Variants in FAM114A1 observed in about 807,000 individuals in gnomAD.
FAM114A1 encodes family with sequence similarity 114 member A1, also known as protein NOXP20.
A neutral mutation model predicts 64.3 loss-of-function variants in FAM114A1; 62 were observed. That is an observed-to-expected ratio of 0.96 (90% CI 0.79 to 1.19). The LOEUF (loss-of-function observed/expected upper bound fraction) is 1.19. Among genes scored for constraint, FAM114A1 ranks in the 50% most tolerant of loss-of-function variants. FAM114A1 has a pLI of 0.00. For missense variants in FAM114A1, 645 were observed against 676.3 expected (o/e 0.95, Z 0.51); for synonymous variants, 254 against 251.1 (o/e 1.01, Z -0.11).
At chr4:38,917,189 A>T (rs573098873) in intron 8 of FAM114A1, among the ~76,000 whole-genome samples, 2 of 111,582 alleles carry the variant, frequency 1.8e-5, no homozygotes, top group African/African-American at 4.3e-5. Context: ...AATAAATAAA[A>T]AAGCTGGGCA....
At chr4:38,898,512 A>C (rs7665932) in intron 4 of FAM114A1, among the ~76,000 whole-genome samples, 62,199 of 152,032 alleles carry the variant, frequency 0.41, 13,179 homozygotes, top group Middle Eastern at 0.5. Context: ...TGCTGATGAT[A>C]TGAAATTTCT....
intron 4 of FAM114A1, among the ~76,000 whole-genome samples, chr4:38,905,250 T>G (rs527516270): frequency 1.3e-5 from 2 of 152,108 alleles, no homozygotes; most frequent in South Asian, 4.1e-4. Flanking sequence ...GGCACAAAAA[T>G]TAGCCGGGCG....
intron 3 of FAM114A1, among the ~76,000 whole-genome samples, chr4:38,882,643 T>A (rs964647979): frequency 1.3e-5 from 2 of 152,102 alleles, no homozygotes; most frequent in Non-Finnish European, 2.9e-5. Context: ...AAAAAAAGTT[T>A]CTGTGAGGAA....
At chr4:38,914,245 T>C (rs1295238483) in intron 7 of FAM114A1, among the ~76,000 whole-genome samples, 1 of 151,528 alleles carries the variant, frequency 6.6e-6, no homozygotes, top group Non-Finnish European at 1.5e-5. Flanking sequence ...AACTCGCTCA[T>C]TATAGAAAAT....
intron 4 of FAM114A1, 27 bp from the exon 5 acceptor site, chr4:38,905,495 C>CA: frequency 6.5e-7 from 1 of 1,540,164 alleles, no homozygotes; most frequent in South Asian, 1.1e-5. Context: ...CTAATGTATC[C>CA]ATGAACCATA....
intron 4 of FAM114A1, among the ~76,000 whole-genome samples, chr4:38,895,787 T>C (rs1716874848): frequency 1.3e-5 from 2 of 152,224 alleles, no homozygotes; most frequent in African/African-American, 2.4e-5. Context: ...GCTGCAAACA[T>C]AGGACAGCTT....
chr4:38,872,728 C>T (rs996815166), intron 2 of FAM114A1, among the ~76,000 whole-genome samples: 4 of 152,196 alleles, frequency 2.6e-5, no homozygotes, highest in East Asian at 1.9e-4. Context: ...CAGACATTTT[C>T]GGAAACCGGC....
At chr4:38,931,309 GA>G in intron 10 of FAM114A1, 141 bp from the exon 11 acceptor site, 1 of 944,640 alleles carries the variant, frequency 1.1e-6, no homozygotes, top group Non-Finnish European at 1.5e-6. Flanking sequence ...TTCGGGGGTT[GA>G]AAAATTGCCC....
chr4:38,919,397 A>G (rs964129651), intron 8 of FAM114A1, among the ~76,000 whole-genome samples: 2 of 152,104 alleles, frequency 1.3e-5, no homozygotes, highest in South Asian at 2.1e-4. Flanking sequence ...CCCTAGTTCA[A>G]GCTCCAGCCA....
chr4:38,890,232 G>A (rs957329573), intron 3 of FAM114A1, among the ~76,000 whole-genome samples: 12 of 152,034 alleles, frequency 7.9e-5, no homozygotes, highest in African/African-American at 1.7e-4. Flanking sequence ...GTGAAACCTC[G>A]TCTCTACTAA....
intron 13 of FAM114A1, among the ~76,000 whole-genome samples, chr4:38,939,600 C>T (rs1227493345): frequency 6.6e-6 from 1 of 152,200 alleles, no homozygotes; most frequent in Admixed American, 6.5e-5. Context: ...AAGGCTCCAT[C>T]ATGATTTCCC....
Position 38,905,505 on chromosome 4 carries a change from A to G in FAM114A1, c.437-17A>G, listed in dbSNP as rs936815275. ...GATTTCTAATGTATCCATGAACCAT[A>G]TTTTTATTTCCAACAGGTCATGGAT... On this transcript the variant is annotated splice_polypyrimidine_tract_variant and intron_variant, in intron 4 of 14. Coordinates refer to ENST00000358869, the MANE Select transcript of FAM114A1 (RefSeq NM_138389.4). 6.3e-7 allele frequency: 1 copy of G among 1,585,834 alleles called. No homozygotes were observed. Among genetic ancestry groups the G allele is most frequent in the Non-Finnish European group, 8.7e-7 (1 of 1,155,538 alleles).
intron 10 of FAM114A1, among the ~76,000 whole-genome samples, 161 bp from the exon 11 acceptor site, chr4:38,931,290 G>T (rs546798250): frequency 4.6e-5 from 7 of 152,052 alleles, no homozygotes; most frequent in Non-Finnish European, 8.8e-5. Context: ...CAACAACAAG[G>T]TTATCTTTTT....
At chr4:38,873,772 G>T (rs73236654) in intron 2 of FAM114A1, among the ~76,000 whole-genome samples, 29,529 of 152,140 alleles carry the variant, frequency 0.19, 3,828 homozygotes, top group Non-Finnish European at 0.28. Context: ...GGTTTTATAG[G>T]AAATCGTGGG....
intron 13 of FAM114A1, among the ~76,000 whole-genome samples, chr4:38,936,324 G>A (rs1220812938): frequency 6.6e-6 from 1 of 151,762 alleles, no homozygotes; most frequent in African/African-American, 2.4e-5. Context: ...TCGATCTCCT[G>A]ACCTCGTGAT....
chr4:38,943,348 A>G, intron 14 of FAM114A1, 108 bp from the exon 15 acceptor site: 3 of 812,926 alleles, frequency 3.7e-6, no homozygotes, highest in Non-Finnish European at 5.8e-6. Flanking sequence ...GATAAATATA[A>G]TCCAATATGG....
chr4:38,898,506 G>A (rs2109639687), intron 4 of FAM114A1, among the ~76,000 whole-genome samples: 1 of 152,316 alleles, frequency 6.6e-6, no homozygotes, highest in South Asian at 2.1e-4. Flanking sequence ...TGACATTGCT[G>A]ATGATATGAA....
chr4:38,936,660 C>T (rs1325142411), intron 13 of FAM114A1, among the ~76,000 whole-genome samples: 1 of 148,688 alleles, frequency 6.7e-6, no homozygotes, highest in African/African-American at 2.5e-5. Flanking sequence ...TGAAGCGATT[C>T]TCCTGCCTCA....
intron 4 of FAM114A1, among the ~76,000 whole-genome samples, chr4:38,897,235 T>C (rs1717027855): frequency 6.6e-6 from 1 of 152,156 alleles, no homozygotes; most frequent in Non-Finnish European, 1.5e-5. Context: ...AGGTTCTTTG[T>C]ATGGAAAAAC....
Sources: gnomAD v4.1 joint callset for allele counts (sites outside exome capture counted in the v4.1 genomes callset) on GRCh38, gnomAD v4.1.1 for gene constraint, MANE v1.5 for transcripts, NCBI Gene and HGNC (gene_info 2026-07-23, HGNC 2026-07-21) for gene names.